TAF4B: variants seen among roughly 807,000 people sequenced by gnomAD.
TAF4B encodes the protein TATA-box binding protein associated factor 4b.
TAF4B carries 38 observed loss-of-function variants against 86.4 expected under a neutral mutation model. The ratio of observed to expected loss-of-function variants is 0.44; its 90% CI spans 0.34 to 0.58. The LOEUF (loss-of-function observed/expected upper bound fraction) is 0.58, where lower values mean the gene tolerates loss of function less well. TAF4B is among the 20% of genes least tolerant of loss of function. The pLI is 0.02. For missense variants in TAF4B, 988 were observed against 1,027.6 expected (o/e 0.96, Z 0.53); for synonymous variants, 388 against 391.2 (o/e 0.99, Z 0.10).
chr18:26,326,998 TTTC>T lies in TAF4B; in HGVS notation c.2134-14_2134-12del. Reference sequence around the variant, plus strand: ...CCAGGATCATTATAAGACTTTCTGTTTTCTTTTTTTTCCCAGGCAAGTGAAAAT... The same window carrying T: ...CCAGGATCATTATAAGACTTTCTGTTTTTTTTTTCCCAGGCAAGTGAAAAT... On this transcript the variant is annotated splice_polypyrimidine_tract_variant and intron_variant, in intron 11 of 14. Transcript: ENST00000269142. 6.2e-7 allele frequency: 1 copy of T among 1,609,522 alleles called. No homozygotes were observed. The highest frequency in any genetic ancestry group is 8.5e-7 in the Non-Finnish European group (1 of 1,178,690).
intron 9 of TAF4B, among the ~76,000 whole-genome samples, chr18:26,300,748 A>G (rs1269144158): frequency 6.6e-6 from 1 of 152,128 alleles, no homozygotes; most frequent in Non-Finnish European, 1.5e-5. Flanking sequence ...AGTTTGGTGA[A>G]GGTGGGTGAC....
chr18:26,297,643 A>G (rs994127186), intron 9 of TAF4B, among the ~76,000 whole-genome samples: 1 of 150,792 alleles, frequency 6.6e-6, no homozygotes, highest in Non-Finnish European at 1.5e-5. Flanking sequence ...TATATATACC[A>G]TGTTGTTGTA....
intron 1 of TAF4B, among the ~76,000 whole-genome samples, chr18:26,247,726 A>C (rs2055947432): frequency 6.6e-6 from 1 of 152,130 alleles, no homozygotes. Flanking sequence ...TACTGAAAGC[A>C]CAAAAACTAG....
intron 1 of TAF4B, among the ~76,000 whole-genome samples, chr18:26,240,430 G>C (rs139104727): frequency 0.044 from 6,647 of 152,174 alleles, 200 homozygotes; most frequent in Non-Finnish European, 0.061. Context: ...TTGCACATTG[G>C]TTTTGTATCC....
intron 9 of TAF4B, among the ~76,000 whole-genome samples, chr18:26,312,992 C>T (rs537713993): frequency 8.5e-5 from 13 of 152,166 alleles, no homozygotes; most frequent in Non-Finnish European, 1.8e-4. Context: ...AGTAAGCCTT[C>T]TTCCTATCCC....
intron 9 of TAF4B, among the ~76,000 whole-genome samples, chr18:26,313,215 A>T (rs979207402): frequency 6.6e-6 from 1 of 152,218 alleles, no homozygotes; most frequent in African/African-American, 2.4e-5. Context: ...AGTCCCAGAG[A>T]TGTTAAATAA....
At chr18:26,276,311 T>C (rs2056383678) in intron 5 of TAF4B, among the ~76,000 whole-genome samples, 1 of 152,150 alleles carries the variant, frequency 6.6e-6, no homozygotes, top group African/African-American at 2.4e-5. Context: ...TCAGGTAAAA[T>C]ATGTAGGTGC....
At chr18:26,353,943 T>C (rs1347875825) in intron 13 of TAF4B, among the ~76,000 whole-genome samples, 2 of 152,254 alleles carry the variant, frequency 1.3e-5, no homozygotes. Context: ...CATGTTCTCC[T>C]ATGGTTTTTT....
rs533710942 is a variant in TAF4B at position 26,376,089 on chromosome 18, A to G, written c.2422-13756A>G. Among the ~76,000 whole-genome samples the G allele has an allele frequency of 9.5e-4, 145 of 152,204 alleles. 1 individual carries two copies. The highest frequency in any genetic ancestry group is 3.2e-3 in the African/African-American group (134 of 41,544). Reference sequence around the variant, plus strand: ...GTATCTGTCCTTACACCAGTACCACACTGTCTTGAGTACTATAACTTTGTA... The same window carrying G: ...GTATCTGTCCTTACACCAGTACCACGCTGTCTTGAGTACTATAACTTTGTA... On this transcript the variant is annotated intron_variant, in intron 14 of 14. Transcript: ENST00000269142.
At chr18:26,258,987 C>A (rs555057177) in intron 1 of TAF4B, among the ~76,000 whole-genome samples, 1 of 151,918 alleles carries the variant, frequency 6.6e-6, no homozygotes, top group East Asian at 1.9e-4. Context: ...GTCACTGTGC[C>A]AGCCTGTTTT....
At chr18:26,304,818 T>C in intron 9 of TAF4B, 1 of 985,392 alleles carries the variant, frequency 1.0e-6, no homozygotes, top group Non-Finnish European at 1.2e-6. Flanking sequence ...GCTGTGTAAT[T>C]GCTCCTCAGT....
chr18:26,377,201 GA>G lies in TAF4B; in HGVS notation c.2422-12641del, dbSNP rs1567930027. Among the ~76,000 whole-genome samples, 5 of 152,086 alleles carry G rather than the reference GA, an allele frequency of 3.3e-5. 1 individual carries two copies. The South Asian group carries it at 1.0e-3, about 32-fold the overall frequency. ...AATACCATTCTTGGAGAATGGATTAGAAAGTGTTCCCTCCTCTCCTATTTTT... is the reference window on the plus strand; with the variant it reads ...AATACCATTCTTGGAGAATGGATTAGAAGTGTTCCCTCCTCTCCTATTTTT... On this transcript the variant is annotated intron_variant, in intron 14 of 14. Transcript: ENST00000269142.
chr18:26,382,317 A>G (rs1370475533), intron 14 of TAF4B, among the ~76,000 whole-genome samples: 4 of 152,244 alleles, frequency 2.6e-5, no homozygotes, highest in Non-Finnish European at 4.4e-5. Flanking sequence ...TAAGTAGGAA[A>G]GTCTTGACAT....
chr18:26,327,480 A>T (rs1054646438), intron 12 of TAF4B, among the ~76,000 whole-genome samples: 5 of 152,248 alleles, frequency 3.3e-5, no homozygotes, highest in Non-Finnish European at 7.3e-5. Flanking sequence ...GAAAGTAGAC[A>T]GGAAGGTTAT....
At position 26,226,872 on chromosome 18, in the gene TAF4B, A is replaced by T; in HGVS notation, c.-62A>T. Reference sequence around the variant, plus strand: ...CACCGGAGTCGGCTGCCGCGCGCCAAGCCTCCCCTCACCTCTGCTCCCGGA... The same window carrying T: ...CACCGGAGTCGGCTGCCGCGCGCCATGCCTCCCCTCACCTCTGCTCCCGGA... On this transcript the variant is annotated 5_prime_UTR_variant, in exon 1 of 15. The change creates a new upstream start codon in the 5' untranslated region. Transcript: ENST00000269142. 1.6e-6 allele frequency: 2 copies of T among 1,277,194 alleles called. No individual in the cohort carries two copies. Among genetic ancestry groups the T allele is most frequent in the Non-Finnish European group, 2.0e-6 (2 of 1,001,432 alleles). The allele number at this position is 1,277,194 out of a possible 1,614,324, so 79.1% of individuals were successfully genotyped here. A position where few individuals can be genotyped will look rare whatever the true frequency, so the allele number is the denominator to read the frequency against.
At chr18:26,284,977 A>G (rs1184891234) in intron 6 of TAF4B, among the ~76,000 whole-genome samples, 2 of 151,494 alleles carry the variant, frequency 1.3e-5, no homozygotes, top group African/African-American at 4.8e-5. Context: ...ATTTAAAAAA[A>G]TTTTTTTTGA....
chr18:26,289,517 A>T (rs958649120), intron 7 of TAF4B, among the ~76,000 whole-genome samples: 3 of 152,080 alleles, frequency 2.0e-5, no homozygotes, highest in African/African-American at 7.2e-5. Context: ...ACAGTGTCTT[A>T]CTTCTGTCAC....
At chr18:26,346,254 T>A (rs1428821763) in intron 13 of TAF4B, among the ~76,000 whole-genome samples, 5 of 151,870 alleles carry the variant, frequency 3.3e-5, no homozygotes, top group Non-Finnish European at 7.4e-5. Flanking sequence ...AACAATACCC[T>A]ACACCAAGCA....
chr18:26,244,276 C>T (rs1206047949), intron 1 of TAF4B, among the ~76,000 whole-genome samples: 3 of 152,236 alleles, frequency 2.0e-5, no homozygotes, highest in African/African-American at 7.2e-5. Flanking sequence ...TCCGCAATGG[C>T]GGACCCCTCT....
Sources: gnomAD v4.1 joint callset for allele counts (sites outside exome capture counted in the v4.1 genomes callset) on GRCh38, gnomAD v4.1.1 for gene constraint, MANE v1.5 for transcripts, NCBI Gene and HGNC (gene_info 2026-07-23, HGNC 2026-07-21) for gene names.